Variants in PLEKHB2 observed in about 807,000 individuals in gnomAD.
PLEKHB2 encodes pleckstrin homology domain-containing family B member 2.
Under a neutral mutation model 36.5 loss-of-function variants are expected in PLEKHB2, and 31 were observed. The ratio of observed to expected loss-of-function variants is 0.85; its 90% CI spans 0.64 to 1.15. PLEKHB2 has a LOEUF of 1.15. Ranked by LOEUF, PLEKHB2 falls within the 50% of genes most tolerant of loss-of-function variation. PLEKHB2 has a pLI of 0.00. For missense variants in PLEKHB2, 262 were observed against 295.3 expected (o/e 0.89, Z 0.83); for synonymous variants, 119 against 112.0 (o/e 1.06, Z -0.39).
At chr2:131,135,452 T>C (rs1455590413) in intron 6 of PLEKHB2, among the ~76,000 whole-genome samples, 1 of 152,244 alleles carries the variant, frequency 6.6e-6, no homozygotes, top group East Asian at 1.9e-4. Flanking sequence ...AATCATGTCA[T>C]CTACAAATAG....
Position 131,148,268 on chromosome 2 carries a change from A to T in PLEKHB2, c.*1495A>T, listed in dbSNP as rs1048040530. On this transcript the variant is annotated 3_prime_UTR_variant, in exon 8 of 8. Coordinates refer to ENST00000693505, the MANE Select transcript of PLEKHB2 (RefSeq NM_001100623.2). ...AGAAGCTTAGAACATTGAATTTGGA[A>T]CCCCAAAATGTGTGAGTCTTTGGAA... is the stretch of plus-strand genomic sequence containing the variant. 1 of 151,874 alleles carries T rather than the reference A, an allele frequency of 6.6e-6. No homozygotes were observed. The highest frequency in any genetic ancestry group is 2.1e-4 in the South Asian group (1 of 4,806). 9.4% of individuals were successfully genotyped at this position (151,874 alleles called of 1,614,324 possible).
intron 6 of PLEKHB2, among the ~76,000 whole-genome samples, chr2:131,137,931 G>T (rs1302760183): frequency 6.6e-6 from 1 of 151,034 alleles, no homozygotes; most frequent in African/African-American, 2.4e-5. Context: ...ATTCTTGAGT[G>T]CTTTTCCAAC....
At chr2:131,142,979 A>G (rs1297465234) in intron 7 of PLEKHB2, among the ~76,000 whole-genome samples, 1 of 152,144 alleles carries the variant, frequency 6.6e-6, no homozygotes, top group East Asian at 1.9e-4. Flanking sequence ...AACAATGTAC[A>G]TTTAGTAGAA....
chr2:131,126,621 G>C, intron 3 of PLEKHB2, 63 bp from the exon 4 acceptor site: 1 of 937,106 alleles, frequency 1.1e-6, no homozygotes. Context: ...TGAGCTGGTA[G>C]TTCTTAGAAA....
chr2:131,143,959 C>T (rs1470193229), intron 7 of PLEKHB2, among the ~76,000 whole-genome samples: 2 of 152,180 alleles, frequency 1.3e-5, no homozygotes, highest in African/African-American at 4.8e-5. Context: ...AGGCAGTACT[C>T]GGAATGCTTG....
At chr2:131,137,319 A>C (rs1698373409) in intron 6 of PLEKHB2, among the ~76,000 whole-genome samples, 1 of 152,178 alleles carries the variant, frequency 6.6e-6, no homozygotes, top group Non-Finnish European at 1.5e-5. Context: ...GCCCAAGGTC[A>C]AGGTGTTGGG....
chr2:131,143,582 T>G (rs1407193693), intron 7 of PLEKHB2, among the ~76,000 whole-genome samples: 1 of 152,268 alleles, frequency 6.6e-6, no homozygotes, highest in East Asian at 1.9e-4. Context: ...CCACTAGCAG[T>G]TACTGATGCA....
intron 1 of PLEKHB2, among the ~76,000 whole-genome samples, chr2:131,117,376 G>C (rs893955249): frequency 6.6e-6 from 1 of 152,156 alleles, no homozygotes; most frequent in Non-Finnish European, 1.5e-5. Context: ...GCAGCGAGCG[G>C]AGATCATTGC....
At chr2:131,121,814 C>G (rs188946729) in intron 2 of PLEKHB2, among the ~76,000 whole-genome samples, 1 of 152,172 alleles carries the variant, frequency 6.6e-6, no homozygotes, top group Non-Finnish European at 1.5e-5. Context: ...ATCCACTTTC[C>G]TAGGCTTATC....
intron 4 of PLEKHB2, chr2:131,127,080 G>T (rs1200899952): frequency 1.5e-5 from 4 of 270,810 alleles, no homozygotes. Flanking sequence ...GAAATAAAAT[G>T]ACCAGAAAAG....
chr2:131,111,017 T>G (rs1695258911), intron 1 of PLEKHB2, among the ~76,000 whole-genome samples: 1 of 152,188 alleles, frequency 6.6e-6, no homozygotes, highest in Non-Finnish European at 1.5e-5. Flanking sequence ...CAGAATTTTT[T>G]TTTTTGAGAC....
intron 1 of PLEKHB2, among the ~76,000 whole-genome samples, chr2:131,109,544 G>C (rs769055806): frequency 6.6e-6 from 1 of 151,990 alleles, no homozygotes; most frequent in African/African-American, 2.4e-5. Flanking sequence ...ACAAAAATCA[G>C]CTGTGCGTGG....
chr2:131,113,862 C>T (rs1352042419), intron 1 of PLEKHB2, among the ~76,000 whole-genome samples: 1 of 152,122 alleles, frequency 6.6e-6, no homozygotes, highest in African/African-American at 2.4e-5. Flanking sequence ...GGTAGGGTGC[C>T]TAGTGACCCC....
intron 1 of PLEKHB2, among the ~76,000 whole-genome samples, chr2:131,113,419 A>G (rs1695531357): frequency 6.6e-6 from 1 of 152,180 alleles, no homozygotes; most frequent in Admixed American, 6.5e-5. Context: ...AGAAACCCTC[A>G]CACATTTGGT....
At position 131,147,747 on chromosome 2, in the gene PLEKHB2, A is replaced by C. The variant is rs1367581746; in HGVS notation, c.*974A>C. 1 of 151,056 alleles carries C rather than the reference A, an allele frequency of 6.6e-6. No individual in the cohort carries two copies. The highest frequency in any genetic ancestry group is 1.5e-5 in the Non-Finnish European group (1 of 68,102). 9.4% of individuals were successfully genotyped at this position (151,056 alleles called of 1,614,324 possible). On this transcript the variant is annotated 3_prime_UTR_variant, in exon 8 of 8. Coordinates refer to ENST00000693505, the MANE Select transcript of PLEKHB2 (RefSeq NM_001100623.2). ...CAGGAGGCGGAGCTTGCAGTGAGCC[A>C]AGATAGTGCCACTGCACTTCAGCCT...
intron 7 of PLEKHB2, among the ~76,000 whole-genome samples, chr2:131,142,490 C>T (rs1698891865): frequency 1.3e-5 from 2 of 149,778 alleles, no homozygotes; most frequent in South Asian, 4.2e-4. Context: ...TTTTTTTTTG[C>T]TATTGTAGAT....
chr2:131,124,112 T>C (rs1409137172), intron 2 of PLEKHB2, among the ~76,000 whole-genome samples: 9 of 152,148 alleles, frequency 5.9e-5, no homozygotes, highest in Non-Finnish European at 1.3e-4. Context: ...CCCAAAGTGC[T>C]GGAATTACAG....
intron 6 of PLEKHB2, among the ~76,000 whole-genome samples, chr2:131,135,963 GTATTTAAT>G (rs1698202134): frequency 6.6e-6 from 1 of 151,996 alleles, no homozygotes; most frequent in Admixed American, 6.5e-5. Flanking sequence ...GTTTAATTCA[GTATTTAAT>G]TAGTACTGAA....
At chr2:131,131,907 C>A (rs1697745404) in intron 5 of PLEKHB2, among the ~76,000 whole-genome samples, 1 of 151,876 alleles carries the variant, frequency 6.6e-6, no homozygotes, top group Non-Finnish European at 1.5e-5. Flanking sequence ...GATCTCGGCT[C>A]ACTGCAACCT....
Sources: allele counts gnomAD v4.1 joint callset (sites outside exome capture counted in the v4.1 genomes callset), GRCh38; gene constraint gnomAD v4.1.1; transcripts MANE v1.5; gene names NCBI Gene and HGNC (gene_info 2026-07-23, HGNC 2026-07-21).